Variants in TJP3 observed in about 807,000 individuals in gnomAD.
TJP3 encodes the protein tight junction protein ZO-3.
A neutral mutation model predicts 104.2 loss-of-function variants in TJP3; 85 were observed. The ratio of observed to expected loss-of-function variants is 0.82; its 90% CI spans 0.68 to 0.98. TJP3 has a LOEUF of 0.98. Ranked by LOEUF, TJP3 falls within the 50% of genes least tolerant of loss-of-function variation. The pLI is 0.00. For synonymous variants in TJP3, 550 were observed against 550.6 expected (o/e 1.00, Z 0.02); for missense variants, 1,367 against 1,322.8 (o/e 1.03, Z -0.52).
At chr19:3,714,750 G>A (rs1038838474) in intron 1 of TJP3, among the ~76,000 whole-genome samples, 5 of 151,974 alleles carry the variant, frequency 3.3e-5, no homozygotes, top group Non-Finnish European at 5.9e-5. Flanking sequence ...CCCAGCCCCT[G>A]CTATCTCTGG....
rs755597992 is a variant in TJP3, at chr19:3,746,477, T to G, written c.2011-8T>G. Reference sequence around the variant, plus strand: ...CCCCTCACCCCAACGTCCGCCGGCCTGGCCCAGGACAAGCATGCGCTCCTG... The same window carrying G: ...CCCCTCACCCCAACGTCCGCCGGCCGGGCCCAGGACAAGCATGCGCTCCTG... On this transcript the variant is annotated splice_polypyrimidine_tract_variant and splice_region_variant and intron_variant, in intron 16 of 20. Transcript: ENST00000541714. The surrounding 1 kb of genome is among the most constrained non-coding windows in gnomAD (Gnocchi z 4.1). 1 of 1,613,628 alleles carries G rather than the reference T, an allele frequency of 6.2e-7. No individual in the cohort carries two copies. The highest frequency in any genetic ancestry group is 1.1e-5 in the South Asian group (1 of 91,066).
chr19:3,735,238 C>T (rs1046687356), intron 8 of TJP3, among the ~76,000 whole-genome samples: 1 of 151,980 alleles, frequency 6.6e-6, no homozygotes, highest in African/African-American at 2.4e-5. Context: ...CTCACTCTGT[C>T]GCCCAGGCTG....
intron 18 of TJP3, 25 bp from the exon 19 acceptor site, chr19:3,747,769 C>T (rs376517308): frequency 1.9e-5 from 29 of 1,535,916 alleles, no homozygotes; most frequent in African/African-American, 1.4e-4. Context: ...CAGGGCCAGC[C>T]GCAGCATCCA....
chr19:3,718,467 T>G (rs1398223808), intron 1 of TJP3, among the ~76,000 whole-genome samples: 66 of 130,958 alleles, frequency 5.0e-4, no homozygotes, highest in Non-Finnish European at 7.6e-4. Flanking sequence ...TTTTTTTTTT[T>G]GGGGTGGTGG....
rs371377382 is a variant in TJP3, at chr19:3,715,002, C to CT, written c.-10+6448dup. On this transcript the variant is annotated intron_variant, in intron 1 of 20. Transcript: ENST00000541714. ...TAGATTGCTGAAAAGCAGATTTTCT[C>CT]TTTTTTTCCTTTTCTTTTTGCTATT... Among the ~76,000 whole-genome samples, 319 of 152,146 alleles carry CT rather than the reference C, an allele frequency of 2.1e-3. 1 individual carries two copies. The highest frequency in any genetic ancestry group is 7.3e-3 in the African/African-American group (304 of 41,512).
chr19:3,725,274 A>T (rs182680137), intron 1 of TJP3, among the ~76,000 whole-genome samples: 1 of 151,836 alleles, frequency 6.6e-6, no homozygotes, highest in Non-Finnish European at 1.5e-5. Context: ...AAACCAAACA[A>T]CCAATCAACC....
At chr19:3,717,548 G>C (rs868731693) in intron 1 of TJP3, among the ~76,000 whole-genome samples, 1 of 151,764 alleles carries the variant, frequency 6.6e-6, no homozygotes, top group Non-Finnish European at 1.5e-5. Context: ...TGATTCTCTT[G>C]CCTCAGCCTC....
chr19:3,738,598 T>C lies in TJP3; in HGVS notation c.1328T>C (p.Val443Ala). Reference sequence around the variant, plus strand: ...CAGAACCTGACACGGGAGGAGGCAGTGCAGTTCCTGCTGGGGCTGCCACCA... The same window carrying C: ...CAGAACCTGACACGGGAGGAGGCAGCGCAGTTCCTGCTGGGGCTGCCACCA... ...PFQNLTREEA[V>A]QFLLGLPPGE... Residue 443 changes from valine to alanine, a missense_variant, in exon 12 of 21, where the codon GTG becomes GCG. Transcript: ENST00000541714. The C allele has an allele frequency of 1.2e-6, 2 of 1,613,964 alleles. No individual in the cohort carries two copies. Among genetic ancestry groups the C allele is most frequent in the Non-Finnish European group, 1.7e-6 (2 of 1,179,984 alleles).
At position 3,717,774 on chromosome 19, in the gene TJP3, G is replaced by A. The variant is rs377028203; in HGVS notation, c.-10+9213G>A. Among the ~76,000 whole-genome samples, 67 of 152,040 alleles carry A rather than the reference G, an allele frequency of 4.4e-4. No homozygotes were observed. In the East Asian group the frequency reaches 0.011, roughly 25 times the overall value. On this transcript the variant is annotated intron_variant, in intron 1 of 20. Transcript: ENST00000541714. The stretch of plus-strand genomic sequence containing the variant: ...AATTTTTGTGGATGTGGAGATGGGG[G>A]TCTCACTGTGTTGCCCAGGAATGAG...
chr19:3,743,893 A>T (rs780667592), intron 14 of TJP3, 46 bp from the exon 15 acceptor site: 1 of 1,583,606 alleles, frequency 6.3e-7, no homozygotes, highest in African/African-American at 1.3e-5. Context: ...GCAGTCTTTG[A>T]TCGCAAATGG....
At chr19:3,728,336 T>G (rs1205964304) in intron 1 of TJP3, 88 bp from the exon 2 acceptor site, 1 of 1,605,894 alleles carries the variant, frequency 6.2e-7, no homozygotes, top group South Asian at 1.1e-5. Flanking sequence ...CTGTCAGAGC[T>G]GGACTCCCCA....
intron 19 of TJP3, 139 bp downstream of exon 19, chr19:3,748,220 C>A: frequency 9.0e-7 from 1 of 1,109,930 alleles, no homozygotes; most frequent in Non-Finnish European, 1.2e-6. Flanking sequence ...TTCTGGGACT[C>A]AGACCTGGGG....
At position 3,743,933 on chromosome 19, in the gene TJP3, C is replaced by T. The variant is rs1327701835; in HGVS notation, c.1844-6C>T. The T allele has an allele frequency of 1.9e-6, 3 of 1,613,966 alleles. No individual in the cohort carries two copies. Among genetic ancestry groups the T allele is most frequent in the Admixed American group, 3.3e-5 (2 of 59,994 alleles). The stretch of plus-strand genomic sequence containing the variant: ...CTGATTCTTTCACTGTGTCTCTACC[C>T]CTCAGCCAGTTTCAAGCGCCCGGTA... On this transcript the variant is annotated splice_polypyrimidine_tract_variant and splice_region_variant and intron_variant, in intron 14 of 20. Transcript: ENST00000541714.
intron 1 of TJP3, among the ~76,000 whole-genome samples, chr19:3,726,277 T>C (rs2036595020): frequency 6.6e-6 from 1 of 152,248 alleles, no homozygotes; most frequent in Non-Finnish European, 1.5e-5. Flanking sequence ...CTGAGTCTGG[T>C]GTTCTCATTC....
At chr19:3,742,885 G>A (rs1420753374) in intron 14 of TJP3, among the ~76,000 whole-genome samples, 3 of 151,546 alleles carry the variant, frequency 2.0e-5, no homozygotes, top group Admixed American at 6.6e-5. Flanking sequence ...AGAATCACTT[G>A]GACCTGGGAG....
chr19:3,745,511 C>A (rs549972741), intron 15 of TJP3, among the ~76,000 whole-genome samples: 3 of 152,182 alleles, frequency 2.0e-5, no homozygotes, highest in Non-Finnish European at 4.4e-5. Context: ...TTGAACCCCT[C>A]CATGCCAGGC....
At chr19:3,732,399 G>A (rs2036683196) in intron 6 of TJP3, among the ~76,000 whole-genome samples, 2 of 152,132 alleles carry the variant, frequency 1.3e-5, no homozygotes, top group African/African-American at 4.8e-5. Context: ...TGCCCTAAAG[G>A]ATGGTATCTT....
At chr19:3,740,525 C>G in intron 13 of TJP3, 27 bp from the exon 14 acceptor site, 5 of 1,386,354 alleles carry the variant, frequency 3.6e-6, no homozygotes, top group Non-Finnish European at 4.7e-6. Context: ...GACCCCAGTG[C>G]TCAGTACTGT....
At chr19:3,723,797 G>GAAA (rs71339060) in intron 1 of TJP3, among the ~76,000 whole-genome samples, 6,570 of 125,502 alleles carry the variant, frequency 0.052, 276 homozygotes, top group Non-Finnish European at 0.08. Flanking sequence ...TGTCTCAAAA[G>GAAA]AAAAAAAAAA....
Sources: allele counts gnomAD v4.1 joint callset (sites outside exome capture counted in the v4.1 genomes callset), GRCh38; gene constraint gnomAD v4.1.1; non-coding constraint Gnocchi (gnomAD v3.1); transcripts MANE v1.5; gene names NCBI Gene and HGNC (gene_info 2026-07-23, HGNC 2026-07-21).